Variants in RBFOX3 observed in about 807,000 individuals in gnomAD.
The protein encoded by RBFOX3 is RNA binding fox-1 homolog 3.
In RBFOX3, 17 loss-of-function variants were observed where a neutral mutation model predicts 48.7. That is an observed-to-expected ratio of 0.35 (90% CI 0.24 to 0.52). RBFOX3 has a LOEUF of 0.52. Ranked by LOEUF, RBFOX3 falls within the 20% of genes least tolerant of loss-of-function variation. The pLI is 0.94. For missense variants in RBFOX3, 382 were observed against 497.5 expected (o/e 0.77, Z 2.21); for synonymous variants, 212 against 209.5 (o/e 1.01, Z -0.10).
intron 2 of RBFOX3, among the ~76,000 whole-genome samples, chr17:79,376,411 C>T (rs920032699): frequency 8.5e-5 from 13 of 152,110 alleles, no homozygotes; most frequent in Non-Finnish European, 1.8e-4. Context: ...GCCAGGCACC[C>T]GCAGGACCCT....
At chr17:79,383,641 AG>A (rs2060212779) in intron 2 of RBFOX3, among the ~76,000 whole-genome samples, 1 of 152,110 alleles carries the variant, frequency 6.6e-6, no homozygotes, top group Non-Finnish European at 1.5e-5. Context: ...AGGGGTTCCT[AG>A]GGACTTTCTG....
At chr17:79,238,252 T>C (rs2061876448) in intron 3 of RBFOX3, among the ~76,000 whole-genome samples, 2 of 152,198 alleles carry the variant, frequency 1.3e-5, no homozygotes, top group Admixed American at 1.3e-4. Context: ...TTCTTATTGG[T>C]GATTTCTTTT....
intron 4 of RBFOX3, among the ~76,000 whole-genome samples, chr17:79,227,474 A>G (rs1234988961): frequency 2.0e-5 from 3 of 152,188 alleles, no homozygotes; most frequent in Non-Finnish European, 4.4e-5. Context: ...TCCTTGTTGC[A>G]TCTCAAGCAT....
chr17:79,400,618 G>A (rs80023427), intron 2 of RBFOX3, among the ~76,000 whole-genome samples: 4 of 133,006 alleles, frequency 3.0e-5, no homozygotes, highest in East Asian at 2.3e-4. Flanking sequence ...GTGAGTTCAC[G>A]TGTGACCCGC....
At chr17:79,510,101 A>G (rs907343424) in intron 1 of RBFOX3, among the ~76,000 whole-genome samples, 7 of 152,210 alleles carry the variant, frequency 4.6e-5, no homozygotes, top group Non-Finnish European at 8.8e-5. Context: ...CTCTGCCAAC[A>G]GCCCGGCCCA....
chr17:79,409,257 C>T (rs2063947212), intron 2 of RBFOX3, among the ~76,000 whole-genome samples: 1 of 152,234 alleles, frequency 6.6e-6, no homozygotes. Context: ...AGCTGACAGG[C>T]ATTTGGCTTG....
the RBFOX3 span, among the ~76,000 whole-genome samples, chr17:79,616,610 T>TACACAC: frequency 1.0e-5 from 1 of 100,102 alleles, no homozygotes; most frequent in Non-Finnish European, 2.3e-5. Flanking sequence ...CACACACACG[T>TACACAC]GTTACTACTT....
chr17:79,637,792 AGAAGGGAAGGGAAGGGAAGG>A, the RBFOX3 span, among the ~76,000 whole-genome samples: 7 of 91,382 alleles, frequency 7.7e-5, no homozygotes, highest in Non-Finnish European at 1.2e-4. Flanking sequence ...GGAGGGGAAG[AGAAGGGAAGGGAAGGGAAGG>A]GAAGGGAAGG....
intron 4 of RBFOX3, among the ~76,000 whole-genome samples, chr17:79,171,100 C>A (rs1323417819): frequency 2.6e-5 from 4 of 152,188 alleles, no homozygotes; most frequent in Non-Finnish European, 5.9e-5. Context: ...GGCTGTCGAG[C>A]AATTGAGGTG....
intron 2 of RBFOX3, among the ~76,000 whole-genome samples, chr17:79,356,374 T>TTGTTTTTG (rs2085106396): frequency 2.8e-5 from 3 of 105,938 alleles, no homozygotes; most frequent in Non-Finnish European, 5.8e-5. Context: ...TTTTTTTTTT[T>TTGTTTTTG]TTTTTTTTTT....
At chr17:79,247,558 C>T (rs2063347704) in intron 3 of RBFOX3, among the ~76,000 whole-genome samples, 1 of 152,098 alleles carries the variant, frequency 6.6e-6, no homozygotes, top group African/African-American at 2.4e-5. Context: ...GTGATCCGCC[C>T]ACCTTGGCCT....
intron 1 of RBFOX3, among the ~76,000 whole-genome samples, chr17:79,594,514 G>A (rs911431720): frequency 1.8e-4 from 28 of 152,134 alleles, no homozygotes; most frequent in East Asian, 3.9e-4. Flanking sequence ...AGGGCCACCC[G>A]GGGCCTAAAT....
intron 2 of RBFOX3, among the ~76,000 whole-genome samples, chr17:79,351,842 C>A (rs958474087): frequency 1.3e-5 from 2 of 152,140 alleles, no homozygotes; most frequent in Non-Finnish European, 2.9e-5. Context: ...TGAGGAAGTA[C>A]AATTTTTCTT....
In RBFOX3 at chr17:79,325,560, C is replaced by T. The variant is rs2146169316; in HGVS notation, c.-174-17736G>A. On this transcript the variant is annotated intron_variant, in intron 2 of 14. Coordinates refer to ENST00000693108, the MANE Select transcript of RBFOX3 (RefSeq NM_001350451.2). ...TCCTTGGAATGGAGGGAAAAGGAGG[C>T]CAAGGGAGAATGTCTTTAAAAGGTC... 1.3e-5 allele frequency among the ~76,000 whole-genome samples: 2 copies of T among 152,212 alleles called. 1 individual carries two copies. The highest frequency in any genetic ancestry group is 4.1e-4 in the South Asian group (2 of 4,822).
chr17:79,462,377 T>C (rs1323331389), intron 2 of RBFOX3, among the ~76,000 whole-genome samples: 1 of 152,182 alleles, frequency 6.6e-6, no homozygotes, highest in African/African-American at 2.4e-5. Context: ...GAAAGAATGA[T>C]TAAAAAGAAA....
intron 2 of RBFOX3, among the ~76,000 whole-genome samples, chr17:79,446,054 TC>T (rs1247767158): frequency 6.6e-6 from 1 of 152,044 alleles, no homozygotes; most frequent in East Asian, 1.9e-4. Flanking sequence ...GAGAGAATGG[TC>T]CCCCGACATG....
chr17:79,439,428 G>A (rs921841354), intron 2 of RBFOX3, among the ~76,000 whole-genome samples: 6 of 152,204 alleles, frequency 3.9e-5, no homozygotes, highest in African/African-American at 1.2e-4. Context: ...CAGATGTCCC[G>A]TAACCTCCCC....
chr17:79,312,771 C>T (rs1236894234), intron 2 of RBFOX3, among the ~76,000 whole-genome samples: 1 of 152,218 alleles, frequency 6.6e-6, no homozygotes, highest in East Asian at 1.9e-4. Context: ...AACTGTGCTG[C>T]TGCTGCCCGC....
chr17:79,290,476 C>G (rs1355507867), intron 3 of RBFOX3, among the ~76,000 whole-genome samples: 1 of 151,954 alleles, frequency 6.6e-6, no homozygotes, highest in Non-Finnish European at 1.5e-5. Context: ...AAAGCACAGC[C>G]TATGTGTGGC....
Sources: allele counts gnomAD v4.1 joint callset (sites outside exome capture counted in the v4.1 genomes callset), GRCh38; gene constraint gnomAD v4.1.1; transcripts MANE v1.5; gene names NCBI Gene and HGNC (gene_info 2026-07-23, HGNC 2026-07-21).